SLC25A31: variants seen among roughly 807,000 people sequenced by gnomAD.
The protein encoded by SLC25A31 is ADP/ATP translocase 4.
SLC25A31 carries 40 observed loss-of-function variants against 36.2 expected under a neutral mutation model. That is an observed-to-expected ratio of 1.10 (90% confidence interval 0.86 to 1.44). SLC25A31 has a LOEUF of 1.44. Among genes scored for constraint, SLC25A31 ranks in the 40% most tolerant of loss-of-function variants. SLC25A31 has a pLI of 0.00. For missense variants in SLC25A31, 350 were observed against 397.1 expected, an observed-to-expected ratio of 0.88 and a Z score of 1.01; for synonymous variants, 143 against 149.7, an observed-to-expected ratio of 0.96 and a Z score of 0.32.
At chr4:127,741,613 T>C (rs141641191) in intron 1 of SLC25A31, among the ~76,000 whole-genome samples, 1 of 152,316 alleles carries the variant, frequency 6.6e-6, no homozygotes, top group Non-Finnish European at 1.5e-5. Context: ...TTGAATTCAA[T>C]TTGGTAGTAT....
intron 2 of SLC25A31, among the ~76,000 whole-genome samples, chr4:127,759,387 A>G (rs374218363): frequency 1.3e-5 from 2 of 152,054 alleles, no homozygotes; most frequent in African/African-American, 4.8e-5. Flanking sequence ...TGGGAGGCAT[A>G]TCTTGGGTTT....
chr4:127,733,105 G>C (rs1259688025), intron 1 of SLC25A31, among the ~76,000 whole-genome samples: 1 of 152,008 alleles, frequency 6.6e-6, no homozygotes, highest in African/African-American at 2.4e-5. Context: ...ACATTGTCTG[G>C]GGCATGATTT....
At chr4:127,769,830 C>A (rs1473170781) in intron 5 of SLC25A31, among the ~76,000 whole-genome samples, 1 of 152,172 alleles carries the variant, frequency 6.6e-6, no homozygotes, top group Non-Finnish European at 1.5e-5. Context: ...AGAGAACATT[C>A]TAAGCATAGG....
At chr4:127,736,740 A>G (rs1731639697) in intron 1 of SLC25A31, among the ~76,000 whole-genome samples, 1 of 152,236 alleles carries the variant, frequency 6.6e-6, no homozygotes, top group African/African-American at 2.4e-5. Context: ...ATTAAAGAAG[A>G]TAATGCATGT....
At chr4:127,731,148 A>T (rs1731517783) in intron 1 of SLC25A31, among the ~76,000 whole-genome samples, 1 of 152,162 alleles carries the variant, frequency 6.6e-6, no homozygotes, top group Non-Finnish European at 1.5e-5. Flanking sequence ...TTGCTTAAAT[A>T]TTTGTTGGTA....
chr4:127,770,397 C>T (rs965503156), intron 5 of SLC25A31, among the ~76,000 whole-genome samples: 6 of 152,098 alleles, frequency 3.9e-5, no homozygotes, highest in East Asian at 1.9e-4. Context: ...GAGGCTGAGG[C>T]GGGTGGATCA....
Position 127,730,604 on chromosome 4 carries a change from T to C in SLC25A31, c.59T>C (p.Phe20Ser). 1.2e-6 allele frequency: 2 copies of C among 1,614,028 alleles called. No homozygotes were observed. Among genetic ancestry groups the C allele is most frequent in the Non-Finnish European group, 1.7e-6 (2 of 1,179,936 alleles). ...AAGCGGCTGTTTGACGCCTCATCCT[T>C]CGGGAAGGACCTTCTGGCCGGCGGA... is the stretch of plus-strand genomic sequence containing the variant. The part of the protein sequence containing the change: ...AEKRLFDASS[F>S]GKDLLAGGVA... Residue 20 changes from phenylalanine to serine, a missense_variant, in exon 1 of 6, where the codon TTC (phenylalanine) becomes TCC (serine). Transcript: ENST00000281154.
chr4:127,745,888 G>A (rs1310867479), intron 2 of SLC25A31, among the ~76,000 whole-genome samples: 2 of 152,032 alleles, frequency 1.3e-5, no homozygotes, highest in Non-Finnish European at 2.9e-5. Context: ...TTTTTGTACA[G>A]ATAATTTCAT....
chr4:127,744,055 G>A (rs528787935), intron 1 of SLC25A31, among the ~76,000 whole-genome samples: 5 of 152,106 alleles, frequency 3.3e-5, no homozygotes, highest in Non-Finnish European at 5.9e-5. Flanking sequence ...TGAATTATAT[G>A]GGTTGGTCAA....
In SLC25A31 at chr4:127,764,198, TA is replaced by T. The variant is rs1732195074; in HGVS notation, c.361-44del. The stretch of plus-strand genomic sequence containing the variant: ...GAATTTACCAGGTATTTTAAACAGT[TA>T]GATTCTGTGGTTTAATAACCACTTT... On this transcript the variant is annotated intron_variant, in intron 2 of 5. Transcript: ENST00000281154. 4 of 1,501,692 alleles carry T rather than the reference TA, an allele frequency of 2.7e-6. No individual in the cohort carries two copies. The East Asian group carries it at 9.0e-5, about 34-fold the overall frequency. The allele number at this position is 1,501,692 out of a possible 1,614,324, so 93.0% of individuals were successfully genotyped here. A position where few individuals can be genotyped will look rare whatever the true frequency, so the allele number is the denominator to read the frequency against.
intron 2 of SLC25A31, among the ~76,000 whole-genome samples, chr4:127,758,312 G>A (rs1732067701): frequency 6.6e-6 from 1 of 152,098 alleles, no homozygotes; most frequent in Non-Finnish European, 1.5e-5. Flanking sequence ...CACGTCCTTT[G>A]CCCATTTTTT....
intron 2 of SLC25A31, among the ~76,000 whole-genome samples, chr4:127,762,258 GA>G (rs1410870272): frequency 6.6e-6 from 1 of 152,140 alleles, no homozygotes; most frequent in Non-Finnish European, 1.5e-5. Context: ...AAAAAGGAAT[GA>G]AGTATTAATA....
chr4:127,731,360 T>G (rs1330423623), intron 1 of SLC25A31, among the ~76,000 whole-genome samples: 1 of 151,344 alleles, frequency 6.6e-6, no homozygotes, highest in Non-Finnish European at 1.5e-5. Flanking sequence ...TGCCCAAAAT[T>G]CAAGGGGGCC....
chr4:127,767,256 T>A (rs1732263218), intron 4 of SLC25A31, 36 bp downstream of exon 4: 1 of 1,405,434 alleles, frequency 7.1e-7, no homozygotes, highest in Non-Finnish European at 9.4e-7. Flanking sequence ...ATATTAAATA[T>A]ATGGTTTCCA....
At chr4:127,731,785 C>T (rs1731531727) in intron 1 of SLC25A31, among the ~76,000 whole-genome samples, 1 of 151,746 alleles carries the variant, frequency 6.6e-6, no homozygotes, top group Non-Finnish European at 1.5e-5. Context: ...TTCTATTAAA[C>T]CTCCACTCCT....
At chr4:127,764,027 C>T (rs1732191473) in intron 2 of SLC25A31, among the ~76,000 whole-genome samples, 1 of 152,132 alleles carries the variant, frequency 6.6e-6, no homozygotes, top group African/African-American at 2.4e-5. Context: ...ATGTCAGCAT[C>T]TAAACTGTGT....
intron 1 of SLC25A31, among the ~76,000 whole-genome samples, chr4:127,732,015 AAT>A (rs1395575072): frequency 6.6e-6 from 1 of 152,232 alleles, no homozygotes; most frequent in East Asian, 1.9e-4. Flanking sequence ...GATTTAAAGA[AAT>A]AACGAAAGTG....
chr4:127,748,748 A>G (rs919838922), intron 2 of SLC25A31, among the ~76,000 whole-genome samples: 5 of 152,214 alleles, frequency 3.3e-5, no homozygotes, highest in African/African-American at 1.2e-4. Flanking sequence ...TAGCAGTCCT[A>G]TCAGTCCAAC....
intron 1 of SLC25A31, among the ~76,000 whole-genome samples, chr4:127,740,958 T>C (rs960283327): frequency 6.6e-6 from 1 of 152,254 alleles, no homozygotes; most frequent in East Asian, 1.9e-4. Flanking sequence ...CTTTTTGGCG[T>C]ACAGATCTTT....
Sources: gnomAD v4.1 joint callset for allele counts (sites outside exome capture counted in the v4.1 genomes callset) on GRCh38, gnomAD v4.1.1 for gene constraint, MANE v1.5 for transcripts, NCBI Gene and HGNC (gene_info 2026-07-23, HGNC 2026-07-21) for gene names.